ACTR3C: variants seen among roughly 807,000 people sequenced by gnomAD.
ACTR3C encodes actin-related protein 3C.
A neutral mutation model predicts 26.3 loss-of-function variants in ACTR3C; 18 were observed. The ratio of observed to expected loss-of-function variants is 0.68; its 90% CI spans 0.47 to 1.01. The LOEUF is 1.01. ACTR3C is among the 50% of genes least tolerant of loss of function. The probability of loss-of-function intolerance (pLI) is 0.00; values close to 1 mark genes in which losing one functional copy is unlikely to be tolerated. For synonymous variants in ACTR3C, 55 were observed against 94.5 expected, an observed-to-expected ratio of 0.58 and a Z score of 2.42; for missense variants, 184 against 250.7, an observed-to-expected ratio of 0.73 and a Z score of 1.80.
At chr7:150,014,168 G>A in the ACTR3C span, among the ~76,000 whole-genome samples, 1 of 152,034 alleles carries the variant, frequency 6.6e-6, no homozygotes, top group Non-Finnish European at 1.5e-5. Flanking sequence ...TTAAATGATA[G>A]GCATAGGCCG....
chr7:150,135,405 T>TGA, the ACTR3C span, among the ~76,000 whole-genome samples: 1 of 152,242 alleles, frequency 6.6e-6, no homozygotes, highest in Non-Finnish European at 1.5e-5. Flanking sequence ...CTTGGCTTCA[T>TGA]GCTCAGTGGC....
At chr7:150,046,036 G>C in the ACTR3C span, among the ~76,000 whole-genome samples, 1 of 151,268 alleles carries the variant, frequency 6.6e-6, no homozygotes, top group South Asian at 2.2e-4. Context: ...TGAAGGATCT[G>C]TCTATTTCCC....
chr7:150,054,345 C>T, the ACTR3C span, among the ~76,000 whole-genome samples: 39 of 152,372 alleles, frequency 2.6e-4, no homozygotes, highest in African/African-American at 7.7e-4. Context: ...CACCTACTGC[C>T]ACCCTGACTT....
At chr7:149,888,934 G>A in the ACTR3C span, among the ~76,000 whole-genome samples, 1 of 152,096 alleles carries the variant, frequency 6.6e-6, no homozygotes, top group African/African-American at 2.4e-5. Flanking sequence ...CTTGAACCTG[G>A]GAGGCGGAGG....
the ACTR3C span, among the ~76,000 whole-genome samples, chr7:150,064,609 T>C: frequency 6.7e-6 from 1 of 149,484 alleles, no homozygotes; most frequent in East Asian, 2.0e-4. Flanking sequence ...TTGTGGATTG[T>C]TAAAAAGAAT....
At chr7:150,039,518 C>T in the ACTR3C span, among the ~76,000 whole-genome samples, 269 of 86,838 alleles carry the variant, frequency 3.1e-3, no homozygotes, top group South Asian at 0.021. Flanking sequence ...TGGGGGGTGC[C>T]TCCCCCTCCT....
chr7:150,234,232 T>C, the ACTR3C span, among the ~76,000 whole-genome samples: 8 of 151,956 alleles, frequency 5.3e-5, no homozygotes, highest in African/African-American at 1.9e-4. Flanking sequence ...TTTTAGGGGG[T>C]CCATGTCCCT....
chr7:150,319,608 A>C (rs11983355), intron 1 of ACTR3C, among the ~76,000 whole-genome samples: 38,709 of 152,128 alleles, frequency 0.25, 5,141 homozygotes, highest in East Asian at 0.42. Flanking sequence ...GGTGCCTTTG[A>C]CTTTGGGAAG....
chr7:149,961,328 T>C, the ACTR3C span, among the ~76,000 whole-genome samples: 1 of 150,822 alleles, frequency 6.6e-6, no homozygotes, highest in Admixed American at 6.6e-5. Flanking sequence ...AGTATGTGTT[T>C]AGAGGAAGTG....
At chr7:150,048,459 G>T in the ACTR3C span, among the ~76,000 whole-genome samples, 69 of 151,608 alleles carry the variant, frequency 4.6e-4, no homozygotes, top group Middle Eastern at 3.4e-3. Flanking sequence ...GTGGAGGGGC[G>T]GGGACCACGC....
chr7:149,929,110 C>G, the ACTR3C span, among the ~76,000 whole-genome samples: 3 of 152,180 alleles, frequency 2.0e-5, no homozygotes, highest in African/African-American at 7.2e-5. Context: ...TTGCAACCAT[C>G]ACCATAATTA....
At chr7:149,980,015 G>A in the ACTR3C span, among the ~76,000 whole-genome samples, 975 of 152,120 alleles carry the variant, frequency 6.4e-3, 6 homozygotes, top group Admixed American at 0.029. Context: ...TAAAAAATTT[G>A]TATTACCCTA....
At chr7:149,918,978 C>G in the ACTR3C span, among the ~76,000 whole-genome samples, 1 of 152,160 alleles carries the variant, frequency 6.6e-6, no homozygotes, top group Non-Finnish European at 1.5e-5. Flanking sequence ...CATGGTGAGA[C>G]CCTCTGCCGC....
At chr7:150,024,684 A>G in the ACTR3C span, among the ~76,000 whole-genome samples, 1 of 137,316 alleles carries the variant, frequency 7.3e-6, no homozygotes, top group Non-Finnish European at 1.6e-5. Flanking sequence ...AAAACACCAC[A>G]CTTGCGTGCA....
chr7:149,945,386 G>C, the ACTR3C span, among the ~76,000 whole-genome samples: 1 of 151,674 alleles, frequency 6.6e-6, no homozygotes, highest in Non-Finnish European at 1.5e-5. Context: ...GCTTCCCGTC[G>C]AACACAACTG....
chr7:150,012,306 T>C, the ACTR3C span, among the ~76,000 whole-genome samples: 7 of 145,324 alleles, frequency 4.8e-5, no homozygotes, highest in Admixed American at 1.4e-4. Context: ...AACAAGGTTT[T>C]ATAAATGCAT....
the ACTR3C span, among the ~76,000 whole-genome samples, chr7:150,164,190 C>G: frequency 5.0e-3 from 762 of 152,280 alleles, no homozygotes; most frequent in African/African-American, 0.017. Flanking sequence ...AGACCATGCT[C>G]TCACAGACGT....
intron 6 of ACTR3C, among the ~76,000 whole-genome samples, chr7:150,253,023 C>T (rs56959666): frequency 0.015 from 2,279 of 148,606 alleles, 56 homozygotes; most frequent in African/African-American, 0.056. Context: ...GAGAGAGCTG[C>T]CCCATGGCTG....
At chr7:150,227,273 C>T in the ACTR3C span, among the ~76,000 whole-genome samples, 1 of 151,354 alleles carries the variant, frequency 6.6e-6, no homozygotes, top group Non-Finnish European at 1.5e-5. Context: ...ACCCTTTGAT[C>T]CATATCTTCT....
Sources: gnomAD v4.1 joint callset for allele counts (sites outside exome capture counted in the v4.1 genomes callset) on GRCh38, gnomAD v4.1.1 for gene constraint, MANE v1.5 for transcripts, NCBI Gene and HGNC (gene_info 2026-07-23, HGNC 2026-07-21) for gene names.